Variants in GSE1 observed in about 807,000 individuals in gnomAD.
The protein encoded by GSE1 is genetic suppressor element 1.
In GSE1, 32 loss-of-function variants were observed where a neutral mutation model predicts 112.6. The observed-to-expected ratio is 0.28, with a 90% CI of 0.21 to 0.38. The LOEUF (loss-of-function observed/expected upper bound fraction) is 0.38, where lower values mean the gene tolerates loss of function less well. GSE1 is among the 10% of genes least tolerant of loss of function. The pLI, the probability that GSE1 is intolerant of heterozygous loss-of-function variation, is 1.00. For missense variants in GSE1, 2,348 were observed against 1,699.2 expected (o/e 1.38, Z -6.71); for synonymous variants, 1,115 against 735.6 (o/e 1.52, Z -8.35).
At chr16:85,429,097 C>T (rs578029324) in intron 2 of GSE1, among the ~76,000 whole-genome samples, 2 of 152,344 alleles carry the variant, frequency 1.3e-5, no homozygotes, top group African/African-American at 4.8e-5. Flanking sequence ...TCACGGTAAA[C>T]AGCCGCAGGA....
chr16:85,521,231 C>T (rs186405168), intron 2 of GSE1, among the ~76,000 whole-genome samples: 23 of 152,276 alleles, frequency 1.5e-4, no homozygotes, highest in Non-Finnish European at 2.2e-4. Flanking sequence ...TGGCGCCAGG[C>T]GTGGGAGCTG....
In GSE1 at chr16:85,657,270, C is replaced by G; in HGVS notation, c.1313-7C>G. ...GAGATCCTGCTTGACCGTGTTTCCC[C>G]CCACAGAGAAGCTGAAGGATGCCGG... On this transcript the variant is annotated splice_polypyrimidine_tract_variant and splice_region_variant and intron_variant, in intron 7 of 15. Coordinates refer to ENST00000253458, the MANE Select transcript of GSE1 (RefSeq NM_014615.5). 1 of 1,529,416 alleles carries G rather than the reference C, an allele frequency of 6.5e-7. No homozygotes were observed. Among genetic ancestry groups the G allele is most frequent in the Non-Finnish European group, 8.8e-7 (1 of 1,136,200 alleles). The allele number at this position is 1,529,416 out of a possible 1,614,324, so 94.7% of individuals were successfully genotyped here. A position where few individuals can be genotyped will look rare whatever the true frequency, so the allele number is the denominator to read the frequency against.
chr16:85,628,676 C>T lies in GSE1; in HGVS notation c.8-5238C>T, dbSNP rs541545507. On this transcript the variant is annotated intron_variant, in intron 1 of 15. Coordinates refer to ENST00000253458, the MANE Select transcript of GSE1 (RefSeq NM_014615.5). Reference sequence around the variant, plus strand: ...GTTGGCGGTGCTGACTTCGTGCCGTCGAGCCGCCATCCCTTTGAATGTCCG... The same window carrying T: ...GTTGGCGGTGCTGACTTCGTGCCGTTGAGCCGCCATCCCTTTGAATGTCCG... Among the ~76,000 whole-genome samples the T allele has an allele frequency of 7.6e-4, 115 of 152,288 alleles. 2 individuals carry two copies. Among genetic ancestry groups the T allele is most frequent in the African/African-American group, 2.6e-3 (110 of 41,560 alleles).
intron 1 of GSE1, among the ~76,000 whole-genome samples, chr16:85,603,349 G>C (rs1567636750): frequency 6.6e-6 from 1 of 152,180 alleles, no homozygotes; most frequent in Non-Finnish European, 1.5e-5. Flanking sequence ...CTTCGCTCGT[G>C]ACTCTGCTCA....
At chr16:85,441,030 G>A (rs987026853) in intron 2 of GSE1, among the ~76,000 whole-genome samples, 1 of 152,240 alleles carries the variant, frequency 6.6e-6, no homozygotes, top group African/African-American at 2.4e-5. Context: ...CCTGAGGAAC[G>A]AGGGGCTGGC....
upstream of GSE1, among the ~76,000 whole-genome samples, chr16:85,609,854 G>C (rs2047888317): frequency 6.6e-6 from 1 of 152,056 alleles, no homozygotes; most frequent in African/African-American, 2.4e-5. Flanking sequence ...ACAGGGTTTT[G>C]CCATGTTGTC....
intron 1 of GSE1, among the ~76,000 whole-genome samples, chr16:85,262,569 A>G (rs1322377089): frequency 6.6e-6 from 1 of 152,248 alleles, no homozygotes; most frequent in African/African-American, 2.4e-5. Flanking sequence ...TGGCCATGCC[A>G]TTAGACTGTG....
chr16:85,266,229 G>T (rs1168213723), intron 1 of GSE1, among the ~76,000 whole-genome samples: 1 of 152,180 alleles, frequency 6.6e-6, no homozygotes. Context: ...CCCCCTTCCA[G>T]CTCCGGGCGA....
At chr16:85,655,121 A>T in intron 5 of GSE1, 130 bp downstream of exon 5, 1 of 679,026 alleles carries the variant, frequency 1.5e-6, no homozygotes, top group Non-Finnish European at 2.6e-6. Flanking sequence ...GTAGCCCCTG[A>T]AATCGTCCCC....
In GSE1 at chr16:85,673,973, G is replaced by A. The variant is rs998546255; in HGVS notation, c.*1434G>A. The stretch of plus-strand genomic sequence containing the variant: ...TTTTGAACTTACTGTGACAAGCACA[G>A]GAACGGTCAGAAACTGGGCTCATCA... On this transcript the variant is annotated 3_prime_UTR_variant, in exon 16 of 16. Transcript: ENST00000253458. 6 of 152,400 alleles carry A rather than the reference G, an allele frequency of 3.9e-5. No homozygotes were observed. The highest frequency in any genetic ancestry group is 1.4e-4 in the African/African-American group (6 of 41,586). The allele number at this position is 152,400 out of a possible 1,614,324, so 9.4% of individuals were successfully genotyped here. A position where few individuals can be genotyped will look rare whatever the true frequency, so the allele number is the denominator to read the frequency against.
At chr16:85,316,289 G>A (rs1209754040) in intron 1 of GSE1, among the ~76,000 whole-genome samples, 1 of 152,338 alleles carries the variant, frequency 6.6e-6, no homozygotes, top group East Asian at 1.9e-4. Flanking sequence ...ATTTCAACAT[G>A]TCATCAATAT....
At chr16:85,314,676 T>TG (rs1344688696) in intron 1 of GSE1, among the ~76,000 whole-genome samples, 3 of 152,196 alleles carry the variant, frequency 2.0e-5, no homozygotes, top group Admixed American at 6.5e-5. Flanking sequence ...ATGGCGGGCC[T>TG]GGGTCTCTGG....
At chr16:85,240,817 T>TG (rs1406197956) in intron 1 of GSE1, among the ~76,000 whole-genome samples, 4 of 152,114 alleles carry the variant, frequency 2.6e-5, no homozygotes, top group Admixed American at 6.5e-5. Context: ...GGTGCTGGGT[T>TG]GGGGGGTCCC....
chr16:85,254,159 G>A lies in GSE1; in HGVS notation c.2283+82352G>A, dbSNP rs1371047038. Among the ~76,000 whole-genome samples the A allele has an allele frequency of 2.0e-5, 3 of 152,224 alleles. No individual in the cohort carries two copies. The East Asian group carries it at 5.8e-4, about 29-fold the overall frequency. On this transcript the variant is annotated intron_variant, in intron 1 of 2. Coordinates refer to the GSE1 transcript ENST00000637419. ...ACCTCTCGGGATCGCCCCCAAGGGG[G>A]CATGGTTTCTACCCTGGTGTACTCT...
intron 8 of GSE1, among the ~76,000 whole-genome samples, chr16:85,660,115 C>T (rs1233241978): frequency 2.6e-5 from 4 of 152,234 alleles, no homozygotes; most frequent in Non-Finnish European, 5.9e-5. Context: ...CCCTACAAGG[C>T]ACAGCAGGAG....
intron 2 of GSE1, among the ~76,000 whole-genome samples, chr16:85,466,953 G>A (rs926314131): frequency 1.3e-5 from 2 of 152,234 alleles, no homozygotes; most frequent in Non-Finnish European, 2.9e-5. Flanking sequence ...CCAGTTACTT[G>A]ATAGGGTTAG....
In GSE1 at chr16:85,339,642, C is replaced by T. The variant is rs1372205229; in HGVS notation, c.2284-17821C>T. ...GGGGGAGGGGGGCAGAGAGAGGCGG[C>T]GGGCGCAGGGTGGGGGTGGGGGCGG... On this transcript the variant is annotated intron_variant, in intron 1 of 2. Transcript: ENST00000637419. 7.5e-4 allele frequency among the ~76,000 whole-genome samples: 29 copies of T among 38,616 alleles called. No homozygotes were observed. In the Middle Eastern group the frequency reaches 0.062, roughly 83 times the overall value. 25.3% of individuals were successfully genotyped at this position (38,616 alleles called of 152,430 possible). A position where few individuals can be genotyped will look rare whatever the true frequency, so the allele number is the denominator to read the frequency against.
intron 1 of GSE1, among the ~76,000 whole-genome samples, chr16:85,230,757 C>T (rs1351879644): frequency 6.6e-6 from 1 of 152,170 alleles, no homozygotes; most frequent in African/African-American, 2.4e-5. Flanking sequence ...TCACAGTCCT[C>T]CTGGGTTGGA....
intron 2 of GSE1, among the ~76,000 whole-genome samples, chr16:85,519,577 C>CACCATCACCA (rs1240577966): frequency 3.0e-5 from 4 of 133,166 alleles, no homozygotes; most frequent in African/African-American, 1.3e-4. Flanking sequence ...TCACCATCAC[C>CACCATCACCA]AGTCTCCATC....
Sources: gnomAD v4.1 joint callset for allele counts (sites outside exome capture counted in the v4.1 genomes callset) on GRCh38, gnomAD v4.1.1 for gene constraint, MANE v1.5 for transcripts, NCBI Gene and HGNC (gene_info 2026-07-23, HGNC 2026-07-21) for gene names.